The following FAIM2 variants were observed in gnomAD, a reference collection of about 807,000 sequenced individuals.
FAIM2 encodes protein lifeguard 2.
In FAIM2, 27 loss-of-function variants were observed where a neutral mutation model predicts 47.4. That is an observed-to-expected ratio of 0.57 (90% CI 0.42 to 0.78). FAIM2 has a LOEUF of 0.78. Among genes scored for constraint, FAIM2 ranks in the 30% least tolerant of loss-of-function variants. The pLI, the probability that FAIM2 is intolerant of heterozygous loss-of-function variation, is 0.00. For missense variants in FAIM2, 311 were observed against 389.4 expected (o/e 0.80, Z 1.69); for synonymous variants, 156 against 159.3 (o/e 0.98, Z 0.16).
chr12:49,870,588 A>G lies in FAIM2; in HGVS notation c.867T>C (p.Tyr289=), dbSNP rs766875567. ...GGTAAATGTTGAGGGCTCCAAAAAT[A>G]TACTCCTCAGGGCTCAGCGAGTGGC... The part of the protein sequence containing the change: ...NRRHSLSPEE[Y]IFGALNIYLD... The change falls in exon 12 of 12, where the codon TAT becomes TAC. Residue 289 remains tyrosine, a synonymous_variant. Transcript: ENST00000320634. 1.2e-6 allele frequency: 2 copies of G among 1,613,896 alleles called. No homozygotes were observed. Among genetic ancestry groups the G allele is most frequent in the South Asian group, 1.1e-5 (1 of 91,066 alleles).
intron 11 of FAIM2, among the ~76,000 whole-genome samples, chr12:49,872,082 A>T (rs1946707018): frequency 6.6e-6 from 1 of 152,198 alleles, no homozygotes; most frequent in Non-Finnish European, 1.5e-5. Flanking sequence ...TACAATAAAT[A>T]TGTATGGGGC....
intron 5 of FAIM2, among the ~76,000 whole-genome samples, chr12:49,896,788 G>A (rs886178107): frequency 5.0e-4 from 76 of 152,298 alleles, no homozygotes; most frequent in African/African-American, 1.6e-3. Context: ...CCCAATTTGC[G>A]CAGGCAGCAG....
At chr12:49,896,364 A>G (rs1201574315) in intron 5 of FAIM2, among the ~76,000 whole-genome samples, 1 of 152,156 alleles carries the variant, frequency 6.6e-6, no homozygotes, top group East Asian at 1.9e-4. Context: ...CTCAAAGAAT[A>G]TAGGACAAGC....
At chr12:49,898,953 C>T (rs968862839) in intron 2 of FAIM2, among the ~76,000 whole-genome samples, 40 of 152,050 alleles carry the variant, frequency 2.6e-4, no homozygotes, top group African/African-American at 9.4e-4. Context: ...GAAATAAAGC[C>T]AGGACAAGGG....
intron 2 of FAIM2, chr12:49,900,278 C>A: frequency 8.3e-7 from 1 of 1,201,638 alleles, no homozygotes; most frequent in Non-Finnish European, 1.1e-6. Flanking sequence ...CTGTCTGGGG[C>A]ATTGTCTCTG....
intron 11 of FAIM2, among the ~76,000 whole-genome samples, chr12:49,871,669 C>CT (rs3049277): frequency 0.033 from 4,691 of 141,474 alleles, 133 homozygotes; most frequent in African/African-American, 0.074. Context: ...CTTTTCTTTT[C>CT]TTTTTTTTTT....
At chr12:49,873,422 C>A (rs978565121) in intron 11 of FAIM2, among the ~76,000 whole-genome samples, 22 of 152,134 alleles carry the variant, frequency 1.4e-4, no homozygotes, top group African/African-American at 5.3e-4. Context: ...CATTTTCCTT[C>A]TGCAGAGAGA....
intron 10 of FAIM2, 86 bp downstream of exon 10, chr12:49,889,021 C>T: frequency 1.0e-6 from 1 of 992,968 alleles, no homozygotes; most frequent in Non-Finnish European, 1.6e-6. Context: ...CCTGGCCTTC[C>T]CTGGCGGATA....
At chr12:49,898,345 G>A (rs548221800) in intron 2 of FAIM2, among the ~76,000 whole-genome samples, 109 of 152,270 alleles carry the variant, frequency 7.2e-4, no homozygotes, top group African/African-American at 2.5e-3. Flanking sequence ...CCTCCACCCC[G>A]GCTGGGGCTC....
chr12:49,900,888 A>C (rs1946977047), intron 2 of FAIM2, among the ~76,000 whole-genome samples: 1 of 152,192 alleles, frequency 6.6e-6, no homozygotes. Context: ...GTGACTTGAA[A>C]AAAAAATGCC....
chr12:49,896,969 G>T, intron 5 of FAIM2, 62 bp downstream of exon 5: 2 of 1,334,646 alleles, frequency 1.5e-6, no homozygotes, highest in Non-Finnish European at 2.2e-6. Context: ...AAGACACAGA[G>T]ATTCCCTCTT....
chr12:49,893,910 T>G (rs1742849565), intron 5 of FAIM2, among the ~76,000 whole-genome samples: 2 of 152,310 alleles, frequency 1.3e-5, no homozygotes, highest in South Asian at 4.1e-4. Context: ...TGGGTGTGGG[T>G]TCTATCTCGC....
intron 11 of FAIM2, among the ~76,000 whole-genome samples, chr12:49,879,875 TATGTGTATGTGTGC>T (rs148190798): frequency 0.11 from 16,864 of 151,410 alleles, 717 homozygotes; most frequent in East Asian, 0.14. Context: ...TATGTACGTG[TATGTGTATGTGTGC>T]ATGTGTATGT....
chr12:49,898,057 G>A lies in FAIM2; in HGVS notation c.245C>T (p.Thr82Ile). ...AGTGGTGAAGAGCTCATGGTCTCCG[G>A]TGGGGAAACCGTTGTCATAGCTGGA... is the stretch of plus-strand genomic sequence containing the variant. Reference protein sequence around the residue: ...SSSSYDNGFPTGDHELFTTFS... With the variant: ...SSSSYDNGFPIGDHELFTTFS... The change falls in exon 3 of 12, where the codon ACC (threonine) becomes ATC (isoleucine). Residue 82 changes from threonine (T) to isoleucine (I), a missense_variant. By Grantham distance (89) the Thr-to-Ile change is moderately conservative (BLOSUM62 -1). Coordinates refer to ENST00000320634, the MANE Select transcript of FAIM2 (RefSeq NM_012306.4). 6.2e-7 allele frequency: 1 copy of A among 1,614,096 alleles called. No homozygotes were observed. Among genetic ancestry groups the A allele is most frequent in the Non-Finnish European group, 8.5e-7 (1 of 1,179,948 alleles).
Position 49,870,506 on chromosome 12 carries a change from A to G in FAIM2, c.949T>C (p.Ter317ArgextTer63). The change falls in exon 12 of 12, where the codon TGA becomes CGA. Residue 317 changes from the stop codon to arginine (R), a stop_lost. Coordinates refer to ENST00000320634, the MANE Select transcript of FAIM2 (RefSeq NM_012306.4). ...GACGGTGGGGCAGGGAGGGCTCCTC[A>G]TTCTCGGTTAGTGCCAAAAAGCTGC... ...FLQLFGTNRE[*>R] The G allele has an allele frequency of 6.2e-7, 1 of 1,613,526 alleles. No homozygotes were observed. The highest frequency in any genetic ancestry group is 8.5e-7 in the Non-Finnish European group (1 of 1,179,648).
intron 1 of FAIM2, among the ~76,000 whole-genome samples, chr12:49,903,492 T>C (rs1946995360): frequency 6.6e-6 from 1 of 152,168 alleles, no homozygotes; most frequent in Non-Finnish European, 1.5e-5. Context: ...CCGGGCTGAC[T>C]CCTCACGGGG....
At chr12:49,884,697 G>A (rs1032316261) in intron 11 of FAIM2, among the ~76,000 whole-genome samples, 12 of 152,322 alleles carry the variant, frequency 7.9e-5, no homozygotes, top group East Asian at 3.9e-4. Flanking sequence ...GTGCCAGGAC[G>A]GGCATGGTCA....
intron 11 of FAIM2, among the ~76,000 whole-genome samples, chr12:49,880,055 T>C (rs1006769855): frequency 1.2e-5 from 1 of 81,504 alleles, no homozygotes; most frequent in Non-Finnish European, 2.4e-5. Context: ...TGTGTATATA[T>C]GTATTTATTT....
chr12:49,892,400 G>A lies in FAIM2; in HGVS notation c.435-1286C>T, dbSNP rs115658395. 1.2e-3 allele frequency among the ~76,000 whole-genome samples: 183 copies of A among 152,138 alleles called. 1 individual carries two copies. Among genetic ancestry groups the A allele is most frequent in the African/African-American group, 3.9e-3 (162 of 41,470 alleles). ...CCACTTCATCCTCTCTTGCAGCCAC[G>A]CTTCTTGAAAAAGTGGTCTCCATTC... On this transcript the variant is annotated intron_variant, in intron 5 of 11. Transcript: ENST00000320634.
Sources: allele counts gnomAD v4.1 joint callset (sites outside exome capture counted in the v4.1 genomes callset), GRCh38; gene constraint gnomAD v4.1.1; transcripts MANE v1.5; gene names NCBI Gene and HGNC (gene_info 2026-07-23, HGNC 2026-07-21).